INO80: variants seen among roughly 807,000 people sequenced by gnomAD.
The protein encoded by INO80 is INO80 complex ATPase subunit.
In INO80, 20 loss-of-function variants were observed where a neutral mutation model predicts 203.4. That is an observed-to-expected ratio of 0.10 (90% CI 0.07 to 0.14). The LOEUF is 0.14. Among genes scored for constraint, INO80 ranks in the 10% least tolerant of loss-of-function variants. INO80 has a pLI of 1.00. For missense variants in INO80, 1,419 were observed against 1,914.4 expected, an observed-to-expected ratio of 0.74 and a Z score of 4.83; for synonymous variants, 726 against 685.2, an observed-to-expected ratio of 1.06 and a Z score of -0.93.
chr15:41,077,476 G>A (rs1355517468), intron 9 of INO80, among the ~76,000 whole-genome samples: 1 of 151,658 alleles, frequency 6.6e-6, no homozygotes, highest in Non-Finnish European at 1.5e-5. Flanking sequence ...CAAAATAGAA[G>A]AAAACTTGAG....
At chr15:41,108,234 C>T (rs914344845) in intron 1 of INO80, among the ~76,000 whole-genome samples, 1 of 152,096 alleles carries the variant, frequency 6.6e-6, no homozygotes, top group East Asian at 1.9e-4. Flanking sequence ...ATACAACTTT[C>T]AGTGGAAACA....
chr15:40,995,507 CTTTAT>C (rs2043870062), intron 29 of INO80, among the ~76,000 whole-genome samples: 1 of 152,270 alleles, frequency 6.6e-6, no homozygotes, highest in African/African-American at 2.4e-5. Context: ...GAGCCTTATA[CTTTAT>C]TTTATAATTG....
intron 32 of INO80, 146 bp downstream of exon 32, chr15:40,985,192 A>G: frequency 4.7e-6 from 3 of 638,284 alleles, no homozygotes; most frequent in Non-Finnish European, 8.6e-6. Flanking sequence ...GCAAAGCGTG[A>G]GTCAGCCCAG....
chr15:41,021,640 G>A (rs1028208500), intron 25 of INO80, among the ~76,000 whole-genome samples: 1 of 152,176 alleles, frequency 6.6e-6, no homozygotes, highest in African/African-American at 2.4e-5. Context: ...CCCTGACCAG[G>A]TTGCTGACTG....
At chr15:41,068,424 G>C (rs2045257657) in intron 14 of INO80, among the ~76,000 whole-genome samples, 1 of 152,152 alleles carries the variant, frequency 6.6e-6, no homozygotes, top group Non-Finnish European at 1.5e-5. Flanking sequence ...AGCCGGGCAT[G>C]GTGGCACATG....
intron 1 of INO80, among the ~76,000 whole-genome samples, chr15:41,112,606 G>A (rs2045972444): frequency 6.6e-6 from 1 of 151,688 alleles, no homozygotes; most frequent in South Asian, 2.1e-4. Flanking sequence ...GGCCAAACAT[G>A]GTGAAACCCC....
Position 41,034,158 on chromosome 15 carries a change from T to C in INO80, c.2908-6422A>G, listed in dbSNP as rs547012229. 2.6e-5 allele frequency among the ~76,000 whole-genome samples: 4 copies of C among 152,344 alleles called. No homozygotes were observed. In the South Asian group the frequency reaches 8.3e-4, roughly 32 times the overall value. On this transcript the variant is annotated intron_variant, in intron 24 of 35. Transcript: ENST00000648947. Reference sequence around the variant, plus strand: ...CTAGTTCTTAGCTTCTTGATGTTTATGTGTATCATCCTGAAGCTAATAATA... The same window carrying C: ...CTAGTTCTTAGCTTCTTGATGTTTACGTGTATCATCCTGAAGCTAATAATA...
Position 40,978,949 on chromosome 15 carries a change from C to G in INO80, c.*1274G>C, listed in dbSNP as rs1397864163. 6.6e-6 allele frequency: 1 copy of G among 152,566 alleles called. No homozygotes were observed. The highest frequency in any genetic ancestry group is 1.5e-5 in the Non-Finnish European group (1 of 68,014). 9.5% of individuals were successfully genotyped at this position (152,566 alleles called of 1,614,324 possible). On this transcript the variant is annotated 3_prime_UTR_variant, in exon 36 of 36. Transcript: ENST00000648947. ...TCCAGTTAGTAAAAGGAAGATGTGTCTCTCTTTATACATATGTACAAGTTC... is the reference window on the plus strand; with the variant it reads ...TCCAGTTAGTAAAAGGAAGATGTGTGTCTCTTTATACATATGTACAAGTTC...
chr15:40,979,272 C>G lies in INO80; in HGVS notation c.*951G>C, dbSNP rs1242330519. On this transcript the variant is annotated 3_prime_UTR_variant, in exon 36 of 36. Transcript: ENST00000648947. Reference sequence around the variant, plus strand: ...CCATGCAAACACTGCCCCTCTGTCTCTACTGGAGGGCAGCAAGCTCAGGCT... The same window carrying G: ...CCATGCAAACACTGCCCCTCTGTCTGTACTGGAGGGCAGCAAGCTCAGGCT... 1.3e-5 allele frequency: 2 copies of G among 152,706 alleles called. No individual in the cohort carries two copies. The highest frequency in any genetic ancestry group is 4.8e-5 in the African/African-American group (2 of 41,466). The allele number at this position is 152,706 out of a possible 1,614,324, so 9.5% of individuals were successfully genotyped here.
intron 27 of INO80, 127 bp downstream of exon 27, chr15:41,015,955 AAAAAGG>A: frequency 1.4e-6 from 1 of 728,478 alleles, no homozygotes; most frequent in Non-Finnish European, 2.2e-6. Flanking sequence ...AAAAAAAAAA[AAAAAGG>A]AAAAAGAAAA....
At chr15:41,091,805 C>T (rs1215597852) in intron 5 of INO80, among the ~76,000 whole-genome samples, 1 of 151,918 alleles carries the variant, frequency 6.6e-6, no homozygotes, top group Non-Finnish European at 1.5e-5. Flanking sequence ...AGGCGCACGC[C>T]ACCACACCCA....
chr15:41,103,450 C>T (rs1426828654), intron 1 of INO80, among the ~76,000 whole-genome samples: 3 of 152,156 alleles, frequency 2.0e-5, no homozygotes, highest in Non-Finnish European at 4.4e-5. Flanking sequence ...AGTCCAGTGG[C>T]GCGATCTCAG....
intron 14 of INO80, among the ~76,000 whole-genome samples, chr15:41,060,202 C>T (rs2045076661): frequency 6.6e-6 from 1 of 152,136 alleles, no homozygotes; most frequent in African/African-American, 2.4e-5. Context: ...GAGAGGTAAG[C>T]CTAGTATGTG....
intron 20 of INO80, 35 bp downstream of exon 20, chr15:41,049,900 A>C: frequency 6.4e-7 from 1 of 1,573,690 alleles, no homozygotes; most frequent in South Asian, 1.1e-5. Context: ...AAAAACAAAA[A>C]ACAAAACTTC....
chr15:40,981,793 C>T (rs1465588425), intron 35 of INO80, among the ~76,000 whole-genome samples: 1 of 152,246 alleles, frequency 6.6e-6, no homozygotes, highest in African/African-American at 2.4e-5. Context: ...CCTTGTCACA[C>T]ATCTGCTAAG....
At chr15:41,068,418 G>A (rs544202881) in intron 14 of INO80, among the ~76,000 whole-genome samples, 29 of 152,172 alleles carry the variant, frequency 1.9e-4, no homozygotes, top group East Asian at 7.7e-4. Flanking sequence ...AAAATTAGCC[G>A]GGCATGGTGG....
chr15:41,007,327 C>T lies in INO80; in HGVS notation c.3403-1640G>A, dbSNP rs574571545. ...CCTCCCTAGCAGCTGGGATTACAGG[C>T]AACTGCCACCACACCTGGCTAATTT... On this transcript the variant is annotated intron_variant, in intron 27 of 35. Coordinates refer to ENST00000648947, the MANE Select transcript of INO80 (RefSeq NM_017553.3). Among the ~76,000 whole-genome samples the T allele has an allele frequency of 2.7e-3, 406 of 151,924 alleles. 3 individuals are homozygous for T. The highest frequency in any genetic ancestry group is 0.013 in the South Asian group (61 of 4,798).
At position 41,095,023 on chromosome 15, in the gene INO80, A is replaced by G. The variant is rs150729473; in HGVS notation, c.381+578T>C. ...CCATCTCCAAGATATCTCATTTTGT[A>G]TTGCAAATATTCAAAAAAAAAAAAA... On this transcript the variant is annotated intron_variant, in intron 4 of 35. Coordinates refer to ENST00000648947, the MANE Select transcript of INO80 (RefSeq NM_017553.3). 5.3e-4 allele frequency among the ~76,000 whole-genome samples: 58 copies of G among 109,088 alleles called. No individual in the cohort carries two copies. The East Asian group carries it at 0.013, about 25-fold the overall frequency. The allele number at this position is 109,088 out of a possible 152,430, so 71.6% of individuals were successfully genotyped here.
At chr15:41,089,134 G>A (rs2045599536) in intron 5 of INO80, among the ~76,000 whole-genome samples, 1 of 152,134 alleles carries the variant, frequency 6.6e-6, no homozygotes, top group African/African-American at 2.4e-5. Context: ...AGGTTGCAGT[G>A]AGCCAAGATC....
Sources: allele counts gnomAD v4.1 joint callset (sites outside exome capture counted in the v4.1 genomes callset), GRCh38; gene constraint gnomAD v4.1.1; transcripts MANE v1.5; gene names NCBI Gene and HGNC (gene_info 2026-07-23, HGNC 2026-07-21).